Variants in OGFR observed in about 807,000 individuals in gnomAD.
The protein encoded by OGFR is opioid growth factor receptor, also known as protein 7-60.
Under a neutral mutation model 33.6 loss-of-function variants are expected in OGFR, and 18 were observed. The ratio of observed to expected loss-of-function variants is 0.54; its 90% CI spans 0.37 to 0.80. The LOEUF is 0.80. Among genes scored for constraint, OGFR ranks in the 30% least tolerant of loss-of-function variants. The pLI is 0.00. For synonymous variants in OGFR, 370 were observed against 400.7 expected (o/e 0.92, Z 0.91); for missense variants, 877 against 955.8 (o/e 0.92, Z 1.09).
At chr20:62,808,414 C>T (rs895370347) in intron 3 of OGFR, 89 bp downstream of exon 3, 7 of 964,160 alleles carry the variant, frequency 7.3e-6, no homozygotes, top group African/African-American at 3.2e-5. Flanking sequence ...ATGTACCCGG[C>T]GATTACCAGG....
chr20:62,808,377 G>C, intron 3 of OGFR, 52 bp downstream of exon 3: 1 of 1,414,378 alleles, frequency 7.1e-7, no homozygotes, highest in Non-Finnish European at 1.0e-6. Context: ...TGCCTGGCAG[G>C]GGTGGTCCAC....
chr20:62,813,373 G>A lies in OGFR; in HGVS notation c.1758G>A (p.Pro586=), dbSNP rs74520364. 6 of 1,543,478 alleles carry A rather than the reference G, an allele frequency of 3.9e-6. No individual in the cohort carries two copies. Among genetic ancestry groups the A allele is most frequent in the East Asian group, 2.3e-5 (1 of 42,736 alleles). ...CATCGGAGACCCCAGGCCCCAGCCC[G>A]GCAGGACCTACAAGGGATGAGCCAG... ...ESPSETPGPS[P]AGPTRDEPAE... is the part of the protein sequence containing the mutation. Residue 586 remains proline (P), a synonymous_variant, in exon 7 of 7, where the codon CCG becomes CCA. Transcript: ENST00000290291.
At chr20:62,805,059 G>C in intron 1 of OGFR, 29 bp downstream of exon 1, 1 of 1,299,152 alleles carries the variant, frequency 7.7e-7, no homozygotes, top group Non-Finnish European at 9.7e-7. Context: ...GAAGAGGCCT[G>C]GGGTCCCCGG....
intron 1 of OGFR, among the ~76,000 whole-genome samples, chr20:62,805,247 G>A (rs1270645951): frequency 6.6e-6 from 1 of 151,650 alleles, no homozygotes; most frequent in African/African-American, 2.4e-5. Flanking sequence ...TGAGCCTCCC[G>A]GGCCCCATCG....
At chr20:62,808,148 C>T (rs1281615989) in intron 2 of OGFR, 99 bp from the exon 3 acceptor site, 3 of 937,794 alleles carry the variant, frequency 3.2e-6, no homozygotes, top group Non-Finnish European at 5.3e-6. Flanking sequence ...ATTGGGCCAG[C>T]CTGGAGGTTT....
chr20:62,810,084 C>A (rs1990689292), intron 4 of OGFR, among the ~76,000 whole-genome samples: 1 of 98,332 alleles, frequency 1.0e-5, no homozygotes, highest in African/African-American at 4.3e-5. Flanking sequence ...CACAATGTGG[C>A]CCCGGAAACA....
chr20:62,812,533 C>G lies in OGFR; in HGVS notation c.918C>G (p.Gly306=), dbSNP rs749690363. ...KPSSLPHPLE[G]SRKVEEEGSP... is the part of the protein sequence containing the mutation. The stretch of plus-strand genomic sequence containing the variant: ...GCTCTCTGCCCCATCCGCTCGAGGG[C>G]TCCAGGAAGGTGGAGGAGGAAGGAA... Residue 306 remains glycine, a synonymous_variant, in exon 7 of 7, where the codon GGC becomes GGG. Transcript: ENST00000290291. 4 of 1,586,084 alleles carry G rather than the reference C, an allele frequency of 2.5e-6. No homozygotes were observed. Among genetic ancestry groups the G allele is most frequent in the Non-Finnish European group, 2.6e-6 (3 of 1,166,720 alleles).
intron 1 of OGFR, chr20:62,806,359 A>G (rs1423047360): frequency 3.9e-5 from 6 of 152,198 alleles, no homozygotes; most frequent in Admixed American, 3.9e-4. Flanking sequence ...CCTGGCCAAC[A>G]TGGTGAAACT....
chr20:62,809,538 C>A, intron 3 of OGFR, 47 bp from the exon 4 acceptor site: 1 of 1,473,908 alleles, frequency 6.8e-7, no homozygotes, highest in Non-Finnish European at 9.5e-7. Flanking sequence ...CTCCTGAGCA[C>A]GGGCAGGGTG....
rs781738115 is a variant in OGFR at position 62,810,563 on chromosome 20, G to A, written c.463G>A (p.Glu155Lys). The A allele has an allele frequency of 1.5e-5, 24 of 1,612,468 alleles. No homozygotes were observed. In the Admixed American group the frequency reaches 1.5e-4, roughly 10 times the overall value. Residue 155 changes from glutamate (E) to lysine (K), a missense_variant and splice_region_variant, in exon 5 of 7, where the codon GAG becomes AAG. This residue lies in a region of OGFR where 760 missense variants were observed against 736.0 expected (regional missense o/e 1.03). Coordinates refer to ENST00000290291, the MANE Select transcript of OGFR (RefSeq NM_007346.4). ...CAAGCCCCTCACGCTCAGGGAGGTC[G>A]AGGTGAGCCAGGCCTTGGCTGTGAC... ...HAKPLTLREV[E>K]VFKSSQEIQE...
intron 4 of OGFR, 23 bp downstream of exon 4, chr20:62,809,686 A>G: frequency 1.0e-6 from 1 of 999,318 alleles, no homozygotes; most frequent in Non-Finnish European, 1.5e-6. Flanking sequence ...GGATGGGGGG[A>G]TGGGGGGTTG....
In OGFR at chr20:62,805,019, A is replaced by AGCTCGTTCCAGGTGCGGCCCC; in HGVS notation, c.163_171+12dup. 2 of 1,419,904 alleles carry AGCTCGTTCCAGGTGCGGCCCC rather than the reference A, an allele frequency of 1.4e-6. No individual in the cohort carries two copies. The highest frequency in any genetic ancestry group is 1.8e-6 in the Non-Finnish European group (2 of 1,091,278). The allele number at this position is 1,419,904 out of a possible 1,614,324, so 88.0% of individuals were successfully genotyped here. A position where few individuals can be genotyped will look rare whatever the true frequency, so the allele number is the denominator to read the frequency against. ...GGAGGAGCCGCGGGCGGCGCGGCCC[A>AGCTCGTTCCAGGTGCGGCCCC]GCTCGTTCCAGGTGCGGCCCCGCGG... is the stretch of plus-strand genomic sequence containing the variant. On this transcript the variant is annotated inframe_insertion, in exon 1 of 7. Coordinates refer to ENST00000290291, the MANE Select transcript of OGFR (RefSeq NM_007346.4).
intron 1 of OGFR, 30 bp from the exon 2 acceptor site, chr20:62,807,507 G>A (rs1356400431): frequency 1.9e-6 from 3 of 1,606,506 alleles, no homozygotes; most frequent in Non-Finnish European, 2.6e-6. Context: ...TCTCCCATGG[G>A]GGTCCTAATC....
In OGFR at chr20:62,813,890, G is replaced by A. The variant is rs943847253; in HGVS notation, c.*241G>A. The A allele has an allele frequency of 1.3e-4, 74 of 590,314 alleles. 1 individual carries two copies. Among genetic ancestry groups the A allele is most frequent in the African/African-American group, 9.1e-4 (49 of 53,788 alleles). The allele number at this position is 590,314 out of a possible 1,614,324, so 36.6% of individuals were successfully genotyped here. A position where few individuals can be genotyped will look rare whatever the true frequency, so the allele number is the denominator to read the frequency against. ...TCTTCCCCACCCAGCTCTCCCCTGC[G>A]CCCCTGTCTTTGTAAATTGACCCTT... On this transcript the variant is annotated 3_prime_UTR_variant, in exon 7 of 7. Coordinates refer to ENST00000290291, the MANE Select transcript of OGFR (RefSeq NM_007346.4).
In OGFR at chr20:62,811,626, T is replaced by TGGCCGCCCC; in HGVS notation, c.614+16_614+17insGGCCGCCCC. The TGGCCGCCCC allele has an allele frequency of 1.3e-6, 2 of 1,502,530 alleles. No individual in the cohort carries two copies. Among genetic ancestry groups the TGGCCGCCCC allele is most frequent in the Non-Finnish European group, 1.8e-6 (2 of 1,110,118 alleles). 93.1% of individuals were successfully genotyped at this position (1,502,530 alleles called of 1,614,324 possible). A position where few individuals can be genotyped will look rare whatever the true frequency, so the allele number is the denominator to read the frequency against. On this transcript the variant is annotated intron_variant, in intron 6 of 6. Coordinates refer to ENST00000290291, the MANE Select transcript of OGFR (RefSeq NM_007346.4). ...ACCTGAACTGGTGAGGCCCGGCTGCTCCCGCCCACCCCCACCCCGGCGCAG... is the reference window on the plus strand; with the variant it reads ...ACCTGAACTGGTGAGGCCCGGCTGCTGGCCGCCCCCCCGCCCACCCCCACCCCGGCGCAG...
intron 5 of OGFR, 104 bp downstream of exon 5, chr20:62,810,669 C>T (rs1451836169): frequency 9.6e-7 from 1 of 1,045,508 alleles, no homozygotes; most frequent in Non-Finnish European, 1.5e-6. Context: ...ATTTGGTGCC[C>T]CCTCAGGGGT....
chr20:62,809,555 A>G lies in OGFR; in HGVS notation c.320-30A>G, dbSNP rs1045380610. 28 of 1,594,076 alleles carry G rather than the reference A, an allele frequency of 1.8e-5. 1 individual carries two copies. The Admixed American group carries it at 2.0e-4, about 11-fold the overall frequency. ...CCTGAGCACGGGCAGGGTGGCTGCC[A>G]CAGCTGACTTGTCCCCATGGGGCTC... is the stretch of plus-strand genomic sequence containing the variant. On this transcript the variant is annotated intron_variant, in intron 3 of 6. Coordinates refer to ENST00000290291, the MANE Select transcript of OGFR (RefSeq NM_007346.4).
Position 62,810,490 on chromosome 20 carries a change from C to G in OGFR, c.399-9C>G, listed in dbSNP as rs766005528. ...CTAATCCCTTGCCTGAGCATCTCTTCTCCTGCAGGCTGTTTCCTCTGCGAG... is the reference window on the plus strand; with the variant it reads ...CTAATCCCTTGCCTGAGCATCTCTTGTCCTGCAGGCTGTTTCCTCTGCGAG... On this transcript the variant is annotated splice_polypyrimidine_tract_variant and intron_variant, in intron 4 of 6. Transcript: ENST00000290291. 3.7e-6 allele frequency: 6 copies of G among 1,613,012 alleles called. No individual in the cohort carries two copies. In the Admixed American group the frequency reaches 5.0e-5, roughly 13 times the overall value.
In OGFR at chr20:62,812,431, C is replaced by T; in HGVS notation, c.816C>T (p.His272=). ...GACACCAGCGCCGCCAGCTGGTGCA[C>T]TTCGCCTGGGAGCACTTCCGGCCCC... ...RCRHQRRQLV[H]FAWEHFRPRC... is the part of the protein sequence containing the mutation. Residue 272 remains histidine (H), a synonymous_variant, in exon 7 of 7, where the codon CAC becomes CAT. Transcript: ENST00000290291. 4.4e-6 allele frequency: 7 copies of T among 1,580,028 alleles called. No individual in the cohort carries two copies. Among genetic ancestry groups the T allele is most frequent in the Non-Finnish European group, 4.3e-6 (5 of 1,163,878 alleles).
Sources: allele counts gnomAD v4.1 joint callset (sites outside exome capture counted in the v4.1 genomes callset), GRCh38; gene constraint gnomAD v4.1.1; regional missense constraint gnomAD v4.1.1; transcripts MANE v1.5; gene names NCBI Gene and HGNC (gene_info 2026-07-23, HGNC 2026-07-21).